Variants in LRCH1 observed in about 807,000 individuals in gnomAD.
The protein encoded by LRCH1 is leucine rich repeats and calponin homology domain containing 1.
Under a neutral mutation model 94.9 loss-of-function variants are expected in LRCH1, and 23 were observed. The observed-to-expected ratio is 0.24, with a 90% CI of 0.17 to 0.34. LRCH1 has a LOEUF of 0.34. LRCH1 is among the 10% of genes least tolerant of loss of function. The probability of loss-of-function intolerance (pLI) is 1.00; values close to 1 mark genes in which losing one functional copy is unlikely to be tolerated. For synonymous variants in LRCH1, 364 were observed against 354.9 expected, an observed-to-expected ratio of 1.03 and a Z score of -0.29; for missense variants, 790 against 945.9, an observed-to-expected ratio of 0.84 and a Z score of 2.16.
At chr13:46,725,532 G>A (rs1333672248) in intron 17 of LRCH1, among the ~76,000 whole-genome samples, 1 of 152,142 alleles carries the variant, frequency 6.6e-6, no homozygotes, top group Non-Finnish European at 1.5e-5. Context: ...GGGAGAGATA[G>A]TAAATAAGAC....
intron 17 of LRCH1, among the ~76,000 whole-genome samples, chr13:46,728,473 C>A (rs1277637006): frequency 1.3e-5 from 2 of 152,326 alleles, no homozygotes; most frequent in East Asian, 3.9e-4. Flanking sequence ...ACCTCGGCCT[C>A]CCAAAGTGCT....
rs75533685 is a variant in LRCH1 at position 46,708,605 on chromosome 13, C to T, written c.1528-3186C>T. Among the ~76,000 whole-genome samples the T allele has an allele frequency of 2.4e-4, 36 of 152,266 alleles. No homozygotes were observed. The East Asian group carries it at 6.2e-3, about 26-fold the overall frequency. On this transcript the variant is annotated intron_variant, in intron 13 of 19. Coordinates refer to ENST00000389797, the MANE Select transcript of LRCH1 (RefSeq NM_001164211.2). ...TCTTTTAATCTAATAGCAATACATGCGCTGATTTACTAACTACCCAATTCC... is the reference window on the plus strand; with the variant it reads ...TCTTTTAATCTAATAGCAATACATGTGCTGATTTACTAACTACCCAATTCC...
At chr13:46,737,580 G>A (rs748904563) in intron 19 of LRCH1, among the ~76,000 whole-genome samples, 6 of 152,120 alleles carry the variant, frequency 3.9e-5, no homozygotes, top group African/African-American at 9.7e-5. Flanking sequence ...AGCTGTCTTC[G>A]ACCTCTAGTG....
At chr13:46,595,593 T>G (rs2050552797) in intron 1 of LRCH1, among the ~76,000 whole-genome samples, 1 of 152,262 alleles carries the variant, frequency 6.6e-6, no homozygotes, top group African/African-American at 2.4e-5. Context: ...ACTTTAAACT[T>G]CCATCTACCT....
In LRCH1 at chr13:46,692,658, G is replaced by T. The variant is rs184064684; in HGVS notation, c.1120+17G>T. ...CCGTTAAAGGTCTGAGAATAAAAAT[G>T]TGGAGAAAGTGCTTGTTTTTCAGTT... On this transcript the variant is annotated intron_variant, in intron 8 of 19. Coordinates refer to ENST00000389797, the MANE Select transcript of LRCH1 (RefSeq NM_001164211.2). The T allele has an allele frequency of 4.4e-6, 7 of 1,577,200 alleles. No individual in the cohort carries two copies. In the East Asian group the frequency reaches 1.6e-4, roughly 35 times the overall value.
At position 46,744,092 on chromosome 13, in the gene LRCH1, C is replaced by G; in HGVS notation, c.*2244C>G. On this transcript the variant is annotated 3_prime_UTR_variant, in exon 20 of 20. Transcript: ENST00000389797. ...CTGTCCATTGCCAACCCATTAATTT[C>G]TAATCAGAATATTAAGCTTCTCTGT... The G allele has an allele frequency of 1.0e-6, 1 of 985,372 alleles. No individual in the cohort carries two copies. The highest frequency in any genetic ancestry group is 1.2e-6 in the Non-Finnish European group (1 of 829,924). The allele number at this position is 985,372 out of a possible 1,614,324, so 61.0% of individuals were successfully genotyped here. A position where few individuals can be genotyped will look rare whatever the true frequency, so the allele number is the denominator to read the frequency against.
chr13:46,668,731 G>A lies in LRCH1; in HGVS notation c.453-299G>A, dbSNP rs1454132788. On this transcript the variant is annotated intron_variant, in intron 2 of 19. Coordinates refer to ENST00000389797, the MANE Select transcript of LRCH1 (RefSeq NM_001164211.2). ...CTCAGCTTCTAAGTGGCGGTGGCGG[G>A]GTGGCGGGGTGGCGGGGGGACTTTG... Among the ~76,000 whole-genome samples the A allele has an allele frequency of 2.2e-3, 48 of 21,970 alleles. 1 individual carries two copies. In the East Asian group the frequency reaches 0.06, roughly 27 times the overall value. 14.4% of individuals were successfully genotyped at this position (21,970 alleles called of 152,430 possible).
downstream of LRCH1, among the ~76,000 whole-genome samples, chr13:46,748,900 CAGATACGGTAAGATGGTGAGAGAGTA>C (rs1343790824): frequency 6.6e-6 from 1 of 152,170 alleles, no homozygotes; most frequent in African/African-American, 2.4e-5. Context: ...GGGTGAAAAG[CAGATACGGTAAGATGGTGAGAGAGTA>C]AGACCCACTG....
intron 8 of LRCH1, 77 bp from the exon 9 acceptor site, chr13:46,694,816 C>A: frequency 6.7e-7 from 1 of 1,496,940 alleles, no homozygotes; most frequent in Non-Finnish European, 9.2e-7. Flanking sequence ...GTGATTAGAT[C>A]ATATTTGAAG....
At chr13:46,566,495 T>C (rs947547521) in intron 1 of LRCH1, among the ~76,000 whole-genome samples, 3 of 152,218 alleles carry the variant, frequency 2.0e-5, no homozygotes, top group African/African-American at 4.8e-5. Context: ...TCTTTCAGAA[T>C]GTTCCTCTTT....
At position 46,728,960 on chromosome 13, in the gene LRCH1, C is replaced by T. The variant is rs1174900218; in HGVS notation, c.1983C>T (p.Ser661=). The part of the protein sequence containing the change: ...VNHIRPRSVA[S]IHVPSPAVPK... ...ACATCCGCCCACGGTCGGTTGCAAG[C>T]ATCCATGTCCCATCACCAGCGGTTG... is the stretch of plus-strand genomic sequence containing the variant. The change falls in exon 18 of 20, where the codon AGC becomes AGT. Residue 661 remains serine (S), a synonymous_variant. Coordinates refer to ENST00000389797, the MANE Select transcript of LRCH1 (RefSeq NM_001164211.2). The T allele has an allele frequency of 1.2e-6, 2 of 1,613,070 alleles. No individual in the cohort carries two copies. The highest frequency in any genetic ancestry group is 3.3e-5 in the Admixed American group (2 of 59,912).
chr13:46,630,418 A>AT (rs1333730222), intron 1 of LRCH1, among the ~76,000 whole-genome samples: 1 of 152,214 alleles, frequency 6.6e-6, no homozygotes, highest in African/African-American at 2.4e-5. Context: ...AGTGATATTG[A>AT]TTATTTAGAT....
At chr13:46,730,758 A>T (rs1015007559) in intron 18 of LRCH1, among the ~76,000 whole-genome samples, 51 of 152,206 alleles carry the variant, frequency 3.4e-4, no homozygotes, top group African/African-American at 1.1e-3. Flanking sequence ...CCGTAAAGTC[A>T]TCTGAGTCTC....
intron 1 of LRCH1, among the ~76,000 whole-genome samples, chr13:46,578,342 C>A (rs2050326337): frequency 6.6e-6 from 1 of 152,182 alleles, no homozygotes; most frequent in South Asian, 2.1e-4. Context: ...CCCATCAGTT[C>A]TTGGGCTTGG....
chr13:46,707,692 C>G (rs533804803), intron 13 of LRCH1, among the ~76,000 whole-genome samples: 6 of 152,150 alleles, frequency 3.9e-5, no homozygotes, highest in Admixed American at 3.9e-4. Flanking sequence ...ATAATTTTGT[C>G]TTCTAAGATG....
chr13:46,721,286 G>GT (rs1872572706), intron 16 of LRCH1, among the ~76,000 whole-genome samples: 1 of 152,176 alleles, frequency 6.6e-6, no homozygotes, highest in Non-Finnish European at 1.5e-5. Context: ...GCAAAGGAAA[G>GT]TAACAGCTCC....
At chr13:46,586,985 C>T (rs988867339) in intron 1 of LRCH1, among the ~76,000 whole-genome samples, 7 of 152,104 alleles carry the variant, frequency 4.6e-5, no homozygotes, top group African/African-American at 1.7e-4. Context: ...AGGAGTTGGC[C>T]GTTAAATGAC....
chr13:46,692,448 C>A, intron 7 of LRCH1, 88 bp from the exon 8 acceptor site: 2 of 915,398 alleles, frequency 2.2e-6, no homozygotes, highest in Non-Finnish European at 3.4e-6. Context: ...TTGTGAGAAT[C>A]ACAGGATGTT....
chr13:46,553,237 C>CCCCCCCAAAAAAA lies in LRCH1; in HGVS notation c.-155_-154insCAAAAAAACCCCC. On this transcript the variant is annotated 5_prime_UTR_variant, in exon 1 of 20. Transcript: ENST00000389797. ...GCTGCCACGGCCGCCTCCCCGCCCG[C>CCCCCCCAAAAAAA]CCCCCATTCTACGCGCCTGCCCACA... is the stretch of plus-strand genomic sequence containing the variant. The CCCCCCCAAAAAAA allele has an allele frequency of 3.6e-6, 2 of 561,108 alleles. No individual in the cohort carries two copies. The highest frequency in any genetic ancestry group is 3.3e-5 in the East Asian group (1 of 29,972). The allele number at this position is 561,108 out of a possible 1,614,324, so 34.8% of individuals were successfully genotyped here.
Sources: allele counts gnomAD v4.1 joint callset (sites outside exome capture counted in the v4.1 genomes callset), GRCh38; gene constraint gnomAD v4.1.1; transcripts MANE v1.5; gene names NCBI Gene and HGNC (gene_info 2026-07-23, HGNC 2026-07-21).